The following PCDH10 variants were observed in gnomAD, a reference collection of about 807,000 sequenced individuals.
PCDH10 encodes the protein protocadherin 10, also known as protocadherin-10.
In PCDH10, 15 loss-of-function variants were observed where a neutral mutation model predicts 74.4. The observed-to-expected ratio is 0.20, with a 90% CI of 0.13 to 0.31. The LOEUF (loss-of-function observed/expected upper bound fraction) is 0.31. PCDH10 is among the 10% of genes least tolerant of loss of function. The pLI is 1.00. For missense variants in PCDH10, 1,260 were observed against 1,390.2 expected, an observed-to-expected ratio of 0.91 and a Z score of 1.49; for synonymous variants, 619 against 589.8, an observed-to-expected ratio of 1.05 and a Z score of -0.72.
intron 4 of PCDH10, among the ~76,000 whole-genome samples, chr4:133,185,263 A>G (rs1727521956): frequency 6.6e-6 from 1 of 151,136 alleles, no homozygotes; most frequent in Admixed American, 6.6e-5. Flanking sequence ...AAATCCAAAC[A>G]ATATACAACT....
downstream of PCDH10, among the ~76,000 whole-genome samples, chr4:133,197,452 AT>A (rs1290632333): frequency 1.3e-5 from 2 of 151,904 alleles, no homozygotes; most frequent in African/African-American, 4.8e-5. Context: ...CTCTTTACTT[AT>A]TTTTTTCTTT....
intron 4 of PCDH10, among the ~76,000 whole-genome samples, chr4:133,189,915 T>G (rs536042002): frequency 6.6e-6 from 1 of 152,228 alleles, no homozygotes; most frequent in Admixed American, 6.6e-5. Flanking sequence ...AAAATGTACA[T>G]TTCCCATGCA....
intron 4 of PCDH10, among the ~76,000 whole-genome samples, chr4:133,165,426 ACT>A (rs1218276867): frequency 6.6e-6 from 1 of 151,410 alleles, no homozygotes; most frequent in Non-Finnish European, 1.5e-5. Flanking sequence ...GATAATACAA[ACT>A]CTAAAACAAA....
In PCDH10 at chr4:133,159,174, G is replaced by T. The variant is rs181262808; in HGVS notation, c.2798-3803G>T. On this transcript the variant is annotated intron_variant, in intron 3 of 4. Transcript: ENST00000264360. ...TGAATGAAAGCTTGTTGCACAAAAA[G>T]AAATGTTCACGCAATATTGTATTAT... Among the ~76,000 whole-genome samples, 4 of 152,120 alleles carry T rather than the reference G, an allele frequency of 2.6e-5. No individual in the cohort carries two copies. The East Asian group carries it at 5.8e-4, about 22-fold the overall frequency.
In PCDH10 at chr4:133,151,122, G is replaced by A; in HGVS notation, c.982G>A (p.Val328Met). 6.2e-7 allele frequency: 1 copy of A among 1,614,128 alleles called. No individual in the cohort carries two copies. The highest frequency in any genetic ancestry group is 8.5e-7 in the Non-Finnish European group (1 of 1,180,024). Reference protein sequence around the residue: ...YEESPVYQVYVQAKDLGPNAV... With the variant: ...YEESPVYQVYMQAKDLGPNAV... ...AGAGAGCCCAGTGTACCAAGTGTAC[G>A]TGCAAGCCAAGGACCTGGGCCCCAA... Residue 328 changes from valine to methionine, a missense_variant, in exon 1 of 5, where the codon GTG becomes ATG. Around this residue, in one of 11 missense-constraint regions of PCDH10, gnomAD observed 13 missense variants for 44.5 expected, o/e 0.29. Transcript: ENST00000264360.
At chr4:133,197,339 G>C (rs561368233), downstream of PCDH10, among the ~76,000 whole-genome samples, 2 of 152,264 alleles carry the variant, frequency 1.3e-5, no homozygotes, top group African/African-American at 4.8e-5. Context: ...GCAGTATTCG[G>C]TATCTGCTCA....
At chr4:133,156,700 C>T (rs1458966546) in intron 3 of PCDH10, among the ~76,000 whole-genome samples, 1 of 152,154 alleles carries the variant, frequency 6.6e-6, no homozygotes, top group Non-Finnish European at 1.5e-5. Flanking sequence ...TTACTCCTTT[C>T]CCACCCCACA....
rs758035236 is a variant in PCDH10 at position 133,151,550 on chromosome 4, G to T, written c.1410G>T (p.Val470=). The change falls in exon 1 of 5, where the codon GTG becomes GTT. Residue 470 remains valine (V), a synonymous_variant. Coordinates refer to ENST00000264360, the MANE Select transcript of PCDH10 (RefSeq NM_032961.3). ...GTTTCAGCCAGCCGGTCTACGACGT[G>T]TATGTGACTGAAAACAACGTGCCTG... ...APRFSQPVYD[V]YVTENNVPGA... 6.2e-7 allele frequency: 1 copy of T among 1,614,110 alleles called. No homozygotes were observed. Among genetic ancestry groups the T allele is most frequent in the Non-Finnish European group, 8.5e-7 (1 of 1,180,036 alleles).
intron 4 of PCDH10, among the ~76,000 whole-genome samples, chr4:133,176,811 T>C (rs896927722): frequency 1.3e-5 from 2 of 152,130 alleles, no homozygotes; most frequent in Non-Finnish European, 2.9e-5. Context: ...TTATTTTACT[T>C]AATTTGTATG....
At chr4:133,201,129 A>G (rs1359859179) in intron 2 of PCDH10, among the ~76,000 whole-genome samples, 1 of 152,206 alleles carries the variant, frequency 6.6e-6, no homozygotes, top group Non-Finnish European at 1.5e-5. Flanking sequence ...CACATTGAAC[A>G]AACTGCTGCA....
In PCDH10 at chr4:133,163,134, G is replaced by A. The variant is rs1727004262; in HGVS notation, c.2955G>A (p.Glu985=). Residue 985 remains glutamate (E), a synonymous_variant, in exon 4 of 5, where the codon GAG becomes GAA. Coordinates refer to ENST00000264360, the MANE Select transcript of PCDH10 (RefSeq NM_032961.3). ...GCATGGACTCTGTTCCAGACACTGAGGTGTTTGAAACTCCAGAAGCCCAGC... is the reference window on the plus strand; with the variant it reads ...GCATGGACTCTGTTCCAGACACTGAAGTGTTTGAAACTCCAGAAGCCCAGC... ...VPGMDSVPDT[E]VFETPEAQPG... is the part of the protein sequence containing the mutation. 1.9e-6 allele frequency: 3 copies of A among 1,614,128 alleles called. No homozygotes were observed. The highest frequency in any genetic ancestry group is 1.7e-6 in the Non-Finnish European group (2 of 1,180,018).
At chr4:133,179,326 C>T (rs1727361494) in intron 4 of PCDH10, among the ~76,000 whole-genome samples, 1 of 152,086 alleles carries the variant, frequency 6.6e-6, no homozygotes, top group African/African-American at 2.4e-5. Context: ...ATATTTGACT[C>T]ATGTTCTCCT....
chr4:133,151,931 T>G lies in PCDH10; in HGVS notation c.1791T>G (p.Gly597=). 6.2e-7 allele frequency: 1 copy of G among 1,612,306 alleles called. No individual in the cohort carries two copies. Among genetic ancestry groups the G allele is most frequent in the East Asian group, 2.2e-5 (1 of 44,858 alleles). ...REVLPRSAEP[G]YLLTRVAAVD... is the part of the protein sequence containing the mutation. The stretch of plus-strand genomic sequence containing the variant: ...TGCTGCCCCGCTCGGCGGAGCCGGG[T>G]TACCTGCTCACCCGCGTGGCCGCCG... Residue 597 remains glycine (G), a synonymous_variant, in exon 1 of 5, where the codon GGT becomes GGG. Coordinates refer to ENST00000264360, the MANE Select transcript of PCDH10 (RefSeq NM_032961.3).
At chr4:133,157,397 A>C (rs1274530686) in intron 3 of PCDH10, among the ~76,000 whole-genome samples, 1 of 152,210 alleles carries the variant, frequency 6.6e-6, no homozygotes, top group Non-Finnish European at 1.5e-5. Context: ...GACTATTTCC[A>C]AAAATTTAAG....
At chr4:133,185,293 C>G (rs888366554) in intron 4 of PCDH10, among the ~76,000 whole-genome samples, 4 of 150,358 alleles carry the variant, frequency 2.7e-5, no homozygotes, top group Non-Finnish European at 5.9e-5. Flanking sequence ...AAAATAAAAG[C>G]AAATATGAGT....
intron 4 of PCDH10, among the ~76,000 whole-genome samples, chr4:133,180,313 T>A (rs1727388888): frequency 6.6e-6 from 1 of 151,776 alleles, no homozygotes; most frequent in Non-Finnish European, 1.5e-5. Context: ...GAACAGGAGG[T>A]TGTTGATAGT....
At chr4:133,178,249 T>A (rs1727335396) in intron 4 of PCDH10, among the ~76,000 whole-genome samples, 1 of 152,124 alleles carries the variant, frequency 6.6e-6, no homozygotes, top group Non-Finnish European at 1.5e-5. Flanking sequence ...TTTTTCTTTT[T>A]TTTTGAGATG....
At chr4:133,154,820 A>G in intron 2 of PCDH10, 97 bp from the exon 3 acceptor site, 1 of 809,434 alleles carries the variant, frequency 1.2e-6, no homozygotes, top group South Asian at 1.5e-5. Flanking sequence ...GAGGTCTGTG[A>G]GTCTGCAGCA....
At chr4:133,199,318 A>ATAATAG (rs1727856493), downstream of PCDH10, among the ~76,000 whole-genome samples, 1 of 147,646 alleles carries the variant, frequency 6.8e-6, no homozygotes, top group Non-Finnish European at 1.5e-5. Flanking sequence ...AATAATAATA[A>ATAATAG]TAATAATAAT....
Sources: gnomAD v4.1 joint callset for allele counts (sites outside exome capture counted in the v4.1 genomes callset) on GRCh38, gnomAD v4.1.1 for gene constraint, gnomAD v4.1.1 regional missense constraint, MANE v1.5 for transcripts, NCBI Gene and HGNC (gene_info 2026-07-23, HGNC 2026-07-21) for gene names.